Variants in SCUBE1 observed in about 807,000 individuals in gnomAD.
SCUBE1 encodes the protein signal peptide, CUB and EGF-like domain-containing protein 1.
In SCUBE1, 59 loss-of-function variants were observed where a neutral mutation model predicts 124.4. That is an observed-to-expected ratio of 0.47 (90% CI 0.38 to 0.59). The LOEUF is 0.59. SCUBE1 is among the 20% of genes least tolerant of loss of function. SCUBE1 has a pLI of 0.00. For synonymous variants in SCUBE1, 545 were observed against 550.9 expected, an observed-to-expected ratio of 0.99 and a Z score of 0.15; for missense variants, 1,150 against 1,371.2, an observed-to-expected ratio of 0.84 and a Z score of 2.55.
intron 20 of SCUBE1, 33 bp downstream of exon 20, chr22:43,208,039 T>G (rs374710831): frequency 6.0e-5 from 96 of 1,612,976 alleles, no homozygotes; most frequent in Non-Finnish European, 7.9e-5. Context: ...GCCTGAGCCG[T>G]GCACAGTGGG....
Position 43,201,615 on chromosome 22 carries a change from A to G in SCUBE1, c.*2382T>C. 1 of 152,226 alleles carries G rather than the reference A, an allele frequency of 6.6e-6. No individual in the cohort carries two copies. The highest frequency in any genetic ancestry group is 1.5e-5 in the Non-Finnish European group (1 of 68,024). 9.4% of individuals were successfully genotyped at this position (152,226 alleles called of 1,614,324 possible). ...ATCTTCCTCGTTCTCGGGGCTTTGG[A>G]TGCTGGGACTCACAGGGTGGCCCCT... On this transcript the variant is annotated 3_prime_UTR_variant, in exon 22 of 22. Coordinates refer to ENST00000360835, the MANE Select transcript of SCUBE1 (RefSeq NM_173050.5).
intron 2 of SCUBE1, among the ~76,000 whole-genome samples, chr22:43,338,192 A>T (rs1310739305): frequency 1.3e-5 from 2 of 152,196 alleles, no homozygotes; most frequent in South Asian, 4.1e-4. Context: ...AAAGGTTCCA[A>T]TGGGCTTGCA....
intron 10 of SCUBE1, among the ~76,000 whole-genome samples, chr22:43,224,316 G>A (rs1040299479): frequency 6.6e-6 from 1 of 152,244 alleles, no homozygotes; most frequent in South Asian, 2.1e-4. Context: ...TGACTGCTTT[G>A]TTAGCAAGTG....
At chr22:43,231,275 G>A (rs1922540536) in intron 8 of SCUBE1, among the ~76,000 whole-genome samples, 1 of 152,200 alleles carries the variant, frequency 6.6e-6, no homozygotes, top group African/African-American at 2.4e-5. Context: ...CAGCCTCTGG[G>A]CTCCTGCTGC....
intron 2 of SCUBE1, among the ~76,000 whole-genome samples, chr22:43,322,861 A>G (rs1023399383): frequency 6.6e-6 from 1 of 152,214 alleles, no homozygotes; most frequent in African/African-American, 2.4e-5. Flanking sequence ...CTTGTACCTC[A>G]GAAGGAGGTA....
In SCUBE1 at chr22:43,214,202, C is replaced by T; in HGVS notation, c.1941G>A (p.Val647=). The change falls in exon 16 of 22, where the codon GTG becomes GTA. Residue 647 remains valine, a synonymous_variant. Coordinates refer to ENST00000360835, the MANE Select transcript of SCUBE1 (RefSeq NM_173050.5). ...CCTGGTATGTTCCTGGCATACATGACACACACTGGCCGAGCTCACCACCGA... is the reference window on the plus strand; with the variant it reads ...CCTGGTATGTTCCTGGCATACATGATACACACTGGCCGAGCTCACCACCGA... The part of the protein sequence containing the change: ...THFGGELGQC[V]SCMPGTYQDM... The T allele has an allele frequency of 1.2e-6, 2 of 1,613,098 alleles. No homozygotes were observed. The highest frequency in any genetic ancestry group is 2.2e-5 in the East Asian group (1 of 44,886).
At chr22:43,219,624 C>T (rs1234947187) in intron 14 of SCUBE1, among the ~76,000 whole-genome samples, 1 of 151,802 alleles carries the variant, frequency 6.6e-6, no homozygotes, top group Non-Finnish European at 1.5e-5. Context: ...CAGGTGCCTG[C>T]CACCACACCT....
At chr22:43,327,651 G>A (rs985211797) in intron 2 of SCUBE1, among the ~76,000 whole-genome samples, 3 of 152,130 alleles carry the variant, frequency 2.0e-5, no homozygotes, top group Admixed American at 6.5e-5. Context: ...GCCAGGCATG[G>A]TGGTGCATGC....
At chr22:43,293,722 T>C (rs1171800584) in intron 3 of SCUBE1, among the ~76,000 whole-genome samples, 2 of 152,220 alleles carry the variant, frequency 1.3e-5, no homozygotes, top group Non-Finnish European at 2.9e-5. Context: ...CATGTCACGG[T>C]TGTTACCTTC....
chr22:43,316,800 C>T (rs1216590183), intron 3 of SCUBE1: 3 of 152,348 alleles, frequency 2.0e-5, no homozygotes, highest in Non-Finnish European at 4.4e-5. Flanking sequence ...TCACAGGCCT[C>T]TCTGGGCTTC....
In SCUBE1 at chr22:43,210,914, G is replaced by A. The variant is rs1032122565; in HGVS notation, c.2383+8C>T. The A allele has an allele frequency of 6.2e-7, 1 of 1,613,842 alleles. No individual in the cohort carries two copies. Among genetic ancestry groups the A allele is most frequent in the Non-Finnish European group, 8.5e-7 (1 of 1,179,884 alleles). ...CCCAGCTTCCCACGGCAGAGCAGCAGCACCCACTTTTGCAGTGTGTGACGT... is the reference window on the plus strand; with the variant it reads ...CCCAGCTTCCCACGGCAGAGCAGCAACACCCACTTTTGCAGTGTGTGACGT... On this transcript the variant is annotated splice_region_variant and intron_variant, in intron 18 of 21. Coordinates refer to ENST00000360835, the MANE Select transcript of SCUBE1 (RefSeq NM_173050.5). The surrounding 1 kb of genome is among the most constrained non-coding windows in gnomAD (Gnocchi z 4.5).
Position 43,291,007 on chromosome 22 carries a change from T to TG in SCUBE1, c.484+38dup, listed in dbSNP as rs760032411. 1.2e-4 allele frequency: 184 copies of TG among 1,530,102 alleles called. No individual in the cohort carries two copies. The Middle Eastern group carries it at 1.2e-3, about 10-fold the overall frequency. The allele number at this position is 1,530,102 out of a possible 1,614,324, so 94.8% of individuals were successfully genotyped here. A position where few individuals can be genotyped will look rare whatever the true frequency, so the allele number is the denominator to read the frequency against. ...AGGGGACTCTGGGGGCTGCCCATCCTGGGGGGGGACATGCCTGGTCAGCAT... is the reference window on the plus strand; with the variant it reads ...AGGGGACTCTGGGGGCTGCCCATCCTGGGGGGGGGACATGCCTGGTCAGCAT... On this transcript the variant is annotated intron_variant, in intron 4 of 21. Transcript: ENST00000360835.
chr22:43,236,591 C>T (rs374290484), intron 7 of SCUBE1, among the ~76,000 whole-genome samples: 13 of 152,276 alleles, frequency 8.5e-5, no homozygotes, highest in African/African-American at 3.1e-4. Flanking sequence ...GCCATCTGGC[C>T]CGCCTCCTTT....
chr22:43,275,741 A>T (rs1924482345), intron 4 of SCUBE1, among the ~76,000 whole-genome samples: 1 of 152,240 alleles, frequency 6.6e-6, no homozygotes, highest in African/African-American at 2.4e-5. Context: ...CCGAGGTTGT[A>T]ATCAGTAAAG....
At chr22:43,227,244 T>G (rs2146674730) in intron 10 of SCUBE1, 130 bp downstream of exon 10, 1 of 1,100,888 alleles carries the variant, frequency 9.1e-7, no homozygotes, top group Non-Finnish European at 1.3e-6. Flanking sequence ...AGAGAACCTC[T>G]GCCTGGGAAT....
At chr22:43,215,546 G>C (rs1463163155) in intron 15 of SCUBE1, among the ~76,000 whole-genome samples, 1 of 152,254 alleles carries the variant, frequency 6.6e-6, no homozygotes, top group Non-Finnish European at 1.5e-5. Context: ...GAGTGAAAGT[G>C]AAGCCAGTGG....
chr22:43,273,870 G>C (rs1171905492), intron 4 of SCUBE1, among the ~76,000 whole-genome samples: 1 of 152,128 alleles, frequency 6.6e-6, no homozygotes, highest in Non-Finnish European at 1.5e-5. Flanking sequence ...ACCACGCGCA[G>C]CTTAAAACTT....
intron 3 of SCUBE1, among the ~76,000 whole-genome samples, chr22:43,295,817 G>A (rs1925535807): frequency 6.6e-6 from 1 of 152,212 alleles, no homozygotes; most frequent in African/African-American, 2.4e-5. Flanking sequence ...CTACCCCTGA[G>A]CTGCCAGGGA....
At chr22:43,273,273 C>T (rs999062329) in intron 4 of SCUBE1, among the ~76,000 whole-genome samples, 1 of 152,216 alleles carries the variant, frequency 6.6e-6, no homozygotes, top group Non-Finnish European at 1.5e-5. Context: ...AGGATGGATG[C>T]CAGCCTCCCT....
Sources: gnomAD v4.1 joint callset for allele counts (sites outside exome capture counted in the v4.1 genomes callset) on GRCh38, gnomAD v4.1.1 for gene constraint, Gnocchi (gnomAD v3.1) non-coding constraint, MANE v1.5 for transcripts, NCBI Gene and HGNC (gene_info 2026-07-23, HGNC 2026-07-21) for gene names.